Variants in RNF8 observed in about 807,000 individuals in gnomAD.
The protein encoded by RNF8 is E3 ubiquitin-protein ligase RNF8.
Under a neutral mutation model 59.3 loss-of-function variants are expected in RNF8, and 8 were observed. That is an observed-to-expected ratio of 0.13 (90% confidence interval 0.08 to 0.24). The LOEUF (loss-of-function observed/expected upper bound fraction) is 0.24, where lower values mean the gene tolerates loss of function less well. Ranked by LOEUF, RNF8 falls within the 10% of genes least tolerant of loss-of-function variation. The probability of loss-of-function intolerance (pLI) is 1.00; values close to 1 mark genes in which losing one functional copy is unlikely to be tolerated. For synonymous variants in RNF8, 162 were observed against 200.0 expected (o/e 0.81, Z 1.60); for missense variants, 406 against 572.6 (o/e 0.71, Z 2.97).
At chr6:37,359,255 C>G (rs1404138135) in intron 1 of RNF8, 1 of 450,134 alleles carries the variant, frequency 2.2e-6, no homozygotes, top group African/African-American at 2.0e-5. Context: ...TCAACCTTTT[C>G]CGGAAGCTCT....
intron 1 of RNF8, among the ~76,000 whole-genome samples, chr6:37,359,694 C>G (rs935017922): frequency 3.3e-5 from 5 of 152,110 alleles, no homozygotes; most frequent in Middle Eastern, 3.4e-3. Context: ...TTCCTAAGTT[C>G]GAGGATACAC....
At chr6:37,375,521 C>T (rs1403164535) in intron 5 of RNF8, among the ~76,000 whole-genome samples, 1 of 152,240 alleles carries the variant, frequency 6.6e-6, no homozygotes, top group Non-Finnish European at 1.5e-5. Flanking sequence ...CTGACTGCAT[C>T]TGTCATCCCA....
intron 7 of RNF8, among the ~76,000 whole-genome samples, chr6:37,390,396 AAG>A (rs1167437661): frequency 6.6e-6 from 1 of 152,132 alleles, no homozygotes; most frequent in Non-Finnish European, 1.5e-5. Context: ...CATGTAGGGA[AAG>A]AGGGAATGGT....
At chr6:37,361,697 C>T (rs993196426) in intron 2 of RNF8, 5 of 282,254 alleles carry the variant, frequency 1.8e-5, no homozygotes, top group Non-Finnish European at 3.5e-5. Context: ...GGTCTGCCTG[C>T]CATCCTCATA....
At chr6:37,384,136 T>C (rs964146587) in intron 7 of RNF8, among the ~76,000 whole-genome samples, 23 of 151,066 alleles carry the variant, frequency 1.5e-4, no homozygotes, top group Middle Eastern at 3.4e-3. Context: ...CTACTATTTT[T>C]TTTTTTTTTT....
rs556889702 is a variant in RNF8 at position 37,372,958 on chromosome 6, C to T, written c.1038+1384C>T. Among the ~76,000 whole-genome samples the T allele has an allele frequency of 3.3e-5, 5 of 152,058 alleles. No individual in the cohort carries two copies. In the East Asian group the frequency reaches 7.7e-4, roughly 23 times the overall value. ...CTCTCCAGCCTGGGCAACAAGACTC[C>T]GTCTCAAAAAAAAGTGATACTTTTA... On this transcript the variant is annotated intron_variant, in intron 4 of 7. Transcript: ENST00000373479.
chr6:37,387,054 T>C (rs1770535844), intron 7 of RNF8, among the ~76,000 whole-genome samples: 1 of 152,196 alleles, frequency 6.6e-6, no homozygotes, highest in Admixed American at 6.5e-5. Flanking sequence ...TTTGAGTTTC[T>C]TGGTTAACCC....
chr6:37,374,601 A>G lies in RNF8; in HGVS notation c.1039-19A>G, dbSNP rs566340950. 10 of 1,594,638 alleles carry G rather than the reference A, an allele frequency of 6.3e-6. No individual in the cohort carries two copies. In the East Asian group the frequency reaches 1.8e-4, roughly 28 times the overall value. ...GCATTGTAGTTCATCCTGAGTATGTATCTGCTATGTTTTTGCAGCATTGGG... is the reference window on the plus strand; with the variant it reads ...GCATTGTAGTTCATCCTGAGTATGTGTCTGCTATGTTTTTGCAGCATTGGG... On this transcript the variant is annotated intron_variant, in intron 4 of 7. Transcript: ENST00000373479.
chr6:37,371,361 T>C (rs77143949), intron 3 of RNF8, 151 bp from the exon 4 acceptor site: 1 of 614,052 alleles, frequency 1.6e-6, no homozygotes, highest in Admixed American at 2.9e-5. Context: ...TGCCAACAGC[T>C]TGAAGTAAAA....
In RNF8 at chr6:37,354,266, TG is replaced by T; in HGVS notation, c.105del (p.Cys36AlafsTer3). 1 of 1,564,376 alleles carries T rather than the reference TG, an allele frequency of 6.4e-7. No individual in the cohort carries two copies. Among genetic ancestry groups the T allele is most frequent in the Non-Finnish European group, 8.6e-7 (1 of 1,158,626 alleles). On this transcript the variant is annotated frameshift_variant, in exon 1 of 8. Coordinates refer to ENST00000373479, the MANE Select transcript of RNF8 (RefSeq NM_003958.4). LOFTEE classifies it high-confidence loss of function. ...MSAGWLLLED[G>X]CEVTVGRGFG... ...GCGCCGGGTGGCTGCTGCTGGAAGA[TG>T]GGTGCGAGGTACGGGGGAAGGGGTC...
chr6:37,382,153 C>T (rs1770294368), intron 7 of RNF8, among the ~76,000 whole-genome samples: 1 of 152,130 alleles, frequency 6.6e-6, no homozygotes, highest in Non-Finnish European at 1.5e-5. Context: ...ATTATCTCAG[C>T]CCTTACGGCA....
chr6:37,390,879 A>G lies in RNF8; in HGVS notation c.*121A>G. ...GGTCAACTGAGAAGTCTTGTGGGAC[A>G]GAGACTTGAGTTAGGAAGCCCTCAG... On this transcript the variant is annotated 3_prime_UTR_variant, in exon 8 of 8. Transcript: ENST00000373479. 6.4e-7 allele frequency: 1 copy of G among 1,552,088 alleles called. No individual in the cohort carries two copies. The highest frequency in any genetic ancestry group is 8.9e-7 in the Non-Finnish European group (1 of 1,123,924).
chr6:37,389,743 A>G (rs544124321), intron 7 of RNF8, among the ~76,000 whole-genome samples: 1 of 152,160 alleles, frequency 6.6e-6, no homozygotes, highest in South Asian at 2.1e-4. Context: ...GTGTCCAGAG[A>G]ATTTCTTTCT....
At chr6:37,357,905 A>C (rs1769179623) in intron 1 of RNF8, among the ~76,000 whole-genome samples, 1 of 152,254 alleles carries the variant, frequency 6.6e-6, no homozygotes, top group Non-Finnish European at 1.5e-5. Flanking sequence ...AGACAGATAA[A>C]GTCCCTGCTT....
intron 3 of RNF8, among the ~76,000 whole-genome samples, chr6:37,371,246 T>C (rs1769790869): frequency 6.6e-6 from 1 of 152,184 alleles, no homozygotes; most frequent in Admixed American, 6.5e-5. Flanking sequence ...GAAGGAGGCT[T>C]GGACTGTTAG....
rs1376737266 is a variant in RNF8, at chr6:37,360,970, G to C, written c.240+396G>C. Reference sequence around the variant, plus strand: ...AAGGGGAGGAGGGAGAAACTGATCTGATTGCGCTTAGCTCCTTTCCTTCCT... The same window carrying C: ...AAGGGGAGGAGGGAGAAACTGATCTCATTGCGCTTAGCTCCTTTCCTTCCT... On this transcript the variant is annotated intron_variant, in intron 2 of 7. Transcript: ENST00000373479. This position sits in a 1 kb window ranked among gnomAD's most constrained non-coding sequence, Gnocchi z 4.2. Among the ~76,000 whole-genome samples, 4 of 152,164 alleles carry C rather than the reference G, an allele frequency of 2.6e-5. No individual in the cohort carries two copies. The highest frequency in any genetic ancestry group is 5.9e-5 in the Non-Finnish European group (4 of 68,032).
intron 2 of RNF8, among the ~76,000 whole-genome samples, chr6:37,366,939 T>C (rs1374700232): frequency 2.0e-5 from 3 of 152,252 alleles, no homozygotes; most frequent in South Asian, 4.1e-4. Context: ...GCACATGATA[T>C]TCCTTTGCAT....
chr6:37,385,584 G>A (rs948638423), intron 7 of RNF8, among the ~76,000 whole-genome samples: 2 of 151,846 alleles, frequency 1.3e-5, no homozygotes, highest in Non-Finnish European at 2.9e-5. Flanking sequence ...CCGAGATCAT[G>A]CCACTGCACT....
intron 1 of RNF8, among the ~76,000 whole-genome samples, chr6:37,354,516 T>G (rs1490383637): frequency 4.3e-5 from 6 of 137,974 alleles, no homozygotes; most frequent in Non-Finnish European, 7.9e-5. Flanking sequence ...AGGGGCCGAG[T>G]GGGAGAAAGG....
Sources: gnomAD v4.1 joint callset for allele counts (sites outside exome capture counted in the v4.1 genomes callset) on GRCh38, gnomAD v4.1.1 for gene constraint, Gnocchi (gnomAD v3.1) non-coding constraint, MANE v1.5 for transcripts, NCBI Gene and HGNC (gene_info 2026-07-23, HGNC 2026-07-21) for gene names.